CCDC198: variants seen among roughly 807,000 people sequenced by gnomAD.
CCDC198 encodes factor associated with metabolism and energy.
CCDC198 carries 18 observed loss-of-function variants against 35.6 expected under a neutral mutation model. The observed-to-expected ratio is 0.51, with a 90% CI of 0.35 to 0.75. The LOEUF is 0.75. CCDC198 is among the 30% of genes least tolerant of loss of function. The pLI, the probability that CCDC198 is intolerant of heterozygous loss-of-function variation, is 0.01. For synonymous variants in CCDC198, 119 were observed against 113.4 expected, an observed-to-expected ratio of 1.05 and a Z score of -0.31; for missense variants, 365 against 343.7, an observed-to-expected ratio of 1.06 and a Z score of -0.49.
chr14:57,490,391 C>T (rs1025060562), intron 2 of CCDC198, among the ~76,000 whole-genome samples: 3 of 152,014 alleles, frequency 2.0e-5, no homozygotes, highest in Non-Finnish European at 2.9e-5. Context: ...TCCAGTGTCC[C>T]GAATTTAAAC....
chr14:57,482,188 T>C (rs965341724), intron 3 of CCDC198, among the ~76,000 whole-genome samples: 2 of 152,182 alleles, frequency 1.3e-5, no homozygotes, highest in Non-Finnish European at 2.9e-5. Context: ...TATTTGTGAC[T>C]CTGAACATCT....
intron 5 of CCDC198, among the ~76,000 whole-genome samples, chr14:57,479,714 G>A (rs1010840601): frequency 1.3e-5 from 2 of 152,068 alleles, no homozygotes; most frequent in African/African-American, 4.8e-5. Flanking sequence ...AAACTTTAAG[G>A]GAATCACAAT....
At chr14:57,477,917 C>T (rs1390042607) in intron 5 of CCDC198, among the ~76,000 whole-genome samples, 2 of 152,078 alleles carry the variant, frequency 1.3e-5, no homozygotes, top group African/African-American at 4.8e-5. Context: ...AAGCTGATCT[C>T]GAACCCCTGA....
Position 57,476,273 on chromosome 14 carries a change from T to C in CCDC198, c.655+4322A>G, listed in dbSNP as rs114385707. ...ATTCTTTCTCTCTCTAGAATAAAATTATATAGAAAAATATACAGTTAATAT... is the reference window on the plus strand; with the variant it reads ...ATTCTTTCTCTCTCTAGAATAAAATCATATAGAAAAATATACAGTTAATAT... On this transcript the variant is annotated intron_variant, in intron 5 of 5. Coordinates refer to ENST00000216445, the MANE Select transcript of CCDC198 (RefSeq NM_018168.4). Among the ~76,000 whole-genome samples, 366 of 152,280 alleles carry C rather than the reference T, an allele frequency of 2.4e-3. 1 individual carries two copies. The highest frequency in any genetic ancestry group is 8.3e-3 in the African/African-American group (346 of 41,560).
rs2066796937 is a variant in CCDC198, at chr14:57,470,640, T to G, written c.*715A>C. On this transcript the variant is annotated 3_prime_UTR_variant, in exon 6 of 6. Coordinates refer to ENST00000216445, the MANE Select transcript of CCDC198 (RefSeq NM_018168.4). ...GGTGTGAGCCACCACATCCAGCCCA[T>G]CTATTTGTTTTATGTAATCTAATTT... 1 of 152,218 alleles carries G rather than the reference T, an allele frequency of 6.6e-6. No homozygotes were observed. The highest frequency in any genetic ancestry group is 1.5e-5 in the Non-Finnish European group (1 of 68,056). The allele number at this position is 152,218 out of a possible 1,614,324, so 9.4% of individuals were successfully genotyped here.
chr14:57,492,864 TA>T (rs1566596482), intron 1 of CCDC198, among the ~76,000 whole-genome samples: 1 of 152,142 alleles, frequency 6.6e-6, no homozygotes, highest in Non-Finnish European at 1.5e-5. Flanking sequence ...TTACATGGCT[TA>T]TAAAATATCC....
intron 5 of CCDC198, chr14:57,475,707 TAAAAAAA>T (rs35649947): frequency 1.4e-5 from 5 of 361,672 alleles, no homozygotes; most frequent in Non-Finnish European, 2.1e-5. Context: ...AACTCTGTCT[TAAAAAAA>T]AAAAAAAAAG....
rs1383527627 is a variant in CCDC198, at chr14:57,470,248, G to C, written c.*1107C>G. 2.6e-5 allele frequency: 4 copies of C among 152,176 alleles called. No individual in the cohort carries two copies. Among genetic ancestry groups the C allele is most frequent in the African/African-American group, 4.8e-5 (2 of 41,430 alleles). 9.4% of individuals were successfully genotyped at this position (152,176 alleles called of 1,614,324 possible). On this transcript the variant is annotated 3_prime_UTR_variant, in exon 6 of 6. Transcript: ENST00000216445. ...CTAGAAAGTGACCTAAGTGAGCTTA[G>C]TGTTTAATGCAGCATTACTGTGAAT...
At chr14:57,478,806 T>C in intron 5 of CCDC198, 4 of 1,113,080 alleles carry the variant, frequency 3.6e-6, no homozygotes, top group Non-Finnish European at 4.5e-6. Flanking sequence ...TTTTCTTATT[T>C]AATTAACTTA....
chr14:57,487,857 T>C (rs1305949494), intron 2 of CCDC198, among the ~76,000 whole-genome samples: 1 of 152,216 alleles, frequency 6.6e-6, no homozygotes, highest in East Asian at 1.9e-4. Context: ...GAAAATGTGC[T>C]GAGCTTCATT....
At chr14:57,489,865 T>A (rs2067500922) in intron 2 of CCDC198, among the ~76,000 whole-genome samples, 1 of 152,164 alleles carries the variant, frequency 6.6e-6, no homozygotes, top group Non-Finnish European at 1.5e-5. Context: ...AAGTATTTGA[T>A]TTAGGAATAA....
intron 5 of CCDC198, among the ~76,000 whole-genome samples, chr14:57,473,655 T>C (rs546670921): frequency 1.3e-5 from 2 of 152,320 alleles, no homozygotes; most frequent in South Asian, 4.1e-4. Flanking sequence ...TTATAATTGG[T>C]CTTCCTTCAT....
intron 5 of CCDC198, chr14:57,479,133 G>C (rs1322279069): frequency 2.3e-6 from 2 of 862,130 alleles, no homozygotes; most frequent in East Asian, 6.3e-5. Flanking sequence ...AGCGATCTGA[G>C]AGCATAAACA....
intron 1 of CCDC198, among the ~76,000 whole-genome samples, chr14:57,491,786 T>C (rs1207696348): frequency 6.6e-6 from 1 of 152,112 alleles, no homozygotes; most frequent in Non-Finnish European, 1.5e-5. Flanking sequence ...TTCTTGTCCT[T>C]CCCTTTTAAC....
chr14:57,481,556 T>C lies in CCDC198; in HGVS notation c.495+3A>G, dbSNP rs557470479. On this transcript the variant is annotated splice_donor_region_variant and intron_variant, in intron 4 of 5. Coordinates refer to ENST00000216445, the MANE Select transcript of CCDC198 (RefSeq NM_018168.4). Reference sequence around the variant, plus strand: ...GTAAATATGACACTCTTCTCGTATTTACCTCTTGTCTTTTACGGATCATTT... The same window carrying C: ...GTAAATATGACACTCTTCTCGTATTCACCTCTTGTCTTTTACGGATCATTT... 1 of 1,601,322 alleles carries C rather than the reference T, an allele frequency of 6.2e-7. No homozygotes were observed. The highest frequency in any genetic ancestry group is 1.7e-5 in the Admixed American group (1 of 59,898).
At chr14:57,477,640 T>G (rs2067047664) in intron 5 of CCDC198, among the ~76,000 whole-genome samples, 1 of 152,198 alleles carries the variant, frequency 6.6e-6, no homozygotes, top group Non-Finnish European at 1.5e-5. Flanking sequence ...TAAAATTCTT[T>G]CACCATCAAC....
intron 2 of CCDC198, among the ~76,000 whole-genome samples, chr14:57,488,084 A>G (rs1262972335): frequency 6.6e-6 from 1 of 152,180 alleles, no homozygotes; most frequent in African/African-American, 2.4e-5. Context: ...CTGGAATTGG[A>G]GTCAAAAAGG....
chr14:57,480,342 A>G (rs1432808602), intron 5 of CCDC198: 1 of 956,694 alleles, frequency 1.0e-6, no homozygotes, highest in Admixed American at 6.2e-5. Flanking sequence ...CAAGACTTGC[A>G]ATGAAGCATG....
rs374933904 is a variant in CCDC198 at position 57,481,673 on chromosome 14, A to G, written c.394-13T>C. 9.9e-6 allele frequency: 15 copies of G among 1,519,968 alleles called. No homozygotes were observed. The highest frequency in any genetic ancestry group is 1.4e-5 in the African/African-American group (1 of 73,118). 94.2% of individuals were successfully genotyped at this position (1,519,968 alleles called of 1,614,324 possible). A position where few individuals can be genotyped will look rare whatever the true frequency, so the allele number is the denominator to read the frequency against. ...TTTCTAGTACCTGCTATGAAAGACAACACACTTGTTAGTATGGGGTAATTT... is the reference window on the plus strand; with the variant it reads ...TTTCTAGTACCTGCTATGAAAGACAGCACACTTGTTAGTATGGGGTAATTT... On this transcript the variant is annotated splice_polypyrimidine_tract_variant and intron_variant, in intron 3 of 5. Transcript: ENST00000216445.
Sources: allele counts gnomAD v4.1 joint callset (sites outside exome capture counted in the v4.1 genomes callset), GRCh38; gene constraint gnomAD v4.1.1; transcripts MANE v1.5; gene names NCBI Gene and HGNC (gene_info 2026-07-23, HGNC 2026-07-21).